Variants in PPP4R2 observed in about 807,000 individuals in gnomAD.
PPP4R2 encodes the protein protein phosphatase 4 regulatory subunit 2.
In PPP4R2, 13 loss-of-function variants were observed where a neutral mutation model predicts 47.2. That is an observed-to-expected ratio of 0.28 (90% CI 0.18 to 0.44). The LOEUF (loss-of-function observed/expected upper bound fraction) is 0.44. Ranked by LOEUF, PPP4R2 falls within the 20% of genes least tolerant of loss-of-function variation. The pLI, the probability that PPP4R2 is intolerant of heterozygous loss-of-function variation, is 1.00. For missense variants in PPP4R2, 421 were observed against 491.2 expected (o/e 0.86, Z 1.35); for synonymous variants, 151 against 163.3 (o/e 0.92, Z 0.57).
intron 2 of PPP4R2, among the ~76,000 whole-genome samples, chr3:73,001,920 C>T (rs1431326625): frequency 6.6e-6 from 1 of 152,208 alleles, no homozygotes; most frequent in African/African-American, 2.4e-5. Context: ...AACCATCGCC[C>T]CCGGCCCCAT....
chr3:73,028,284 CT>C (rs1401170672), intron 2 of PPP4R2, among the ~76,000 whole-genome samples: 1 of 148,710 alleles, frequency 6.7e-6, no homozygotes, highest in Non-Finnish European at 1.5e-5. Flanking sequence ...AAGACGGGGT[CT>C]TACTCAGCCT....
At chr3:73,003,707 G>GT (rs201167262) in intron 2 of PPP4R2, among the ~76,000 whole-genome samples, 58 of 119,872 alleles carry the variant, frequency 4.8e-4, no homozygotes, top group East Asian at 1.9e-3. Flanking sequence ...TTTTTGTTTT[G>GT]TTTTTTTTTG....
chr3:73,063,230 T>C (rs1702908559), intron 5 of PPP4R2: 1 of 329,894 alleles, frequency 3.0e-6, no homozygotes, highest in African/African-American at 2.3e-5. Flanking sequence ...TTGCTTCAAA[T>C]GGCATCTACC....
At position 73,016,402 on chromosome 3, in the gene PPP4R2, A is replaced by G. The variant is rs534719647; in HGVS notation, c.116+18244A>G. ...GGGGTAGAGGGCAGGGATGCCTCCAAACATCCTATATTGCTTAGGACACTC... is the reference window on the plus strand; with the variant it reads ...GGGGTAGAGGGCAGGGATGCCTCCAGACATCCTATATTGCTTAGGACACTC... On this transcript the variant is annotated intron_variant, in intron 2 of 8. Transcript: ENST00000356692. Among the ~76,000 whole-genome samples, 6 of 152,260 alleles carry G rather than the reference A, an allele frequency of 3.9e-5. No homozygotes were observed. The East Asian group carries it at 1.2e-3, about 29-fold the overall frequency.
rs1213260381 is a variant in PPP4R2 at position 73,066,577 on chromosome 3, C to G, written c.*855C>G. 1.3e-5 allele frequency: 2 copies of G among 152,034 alleles called. No homozygotes were observed. Among genetic ancestry groups the G allele is most frequent in the Non-Finnish European group, 2.9e-5 (2 of 67,950 alleles). The allele number at this position is 152,034 out of a possible 1,614,324, so 9.4% of individuals were successfully genotyped here. ...GAAATTGTGTTCAAATGTTAGCTTA[C>G]TATTTTGTAGAATGAATGTTTATGA... is the stretch of plus-strand genomic sequence containing the variant. On this transcript the variant is annotated 3_prime_UTR_variant, in exon 9 of 9. Transcript: ENST00000356692.
chr3:73,011,861 C>CCAAT (rs1701731976), intron 2 of PPP4R2, among the ~76,000 whole-genome samples: 1 of 152,148 alleles, frequency 6.6e-6, no homozygotes, highest in African/African-American at 2.4e-5. Flanking sequence ...TCTTACCACA[C>CCAAT]CAATATTGGG....
At chr3:73,019,831 A>T (rs376369110) in intron 2 of PPP4R2, among the ~76,000 whole-genome samples, 4 of 152,032 alleles carry the variant, frequency 2.6e-5, no homozygotes, top group Non-Finnish European at 5.9e-5. Flanking sequence ...CTATTTGTCC[A>T]CTTGGCTCTT....
At chr3:73,015,063 A>T (rs1300952375) in intron 2 of PPP4R2, 13 of 508,196 alleles carry the variant, frequency 2.6e-5, no homozygotes, top group Non-Finnish European at 4.6e-5. Flanking sequence ...TGCCAAAGCA[A>T]GCCATTTAGG....
At chr3:73,019,425 G>A (rs1360576790) in intron 2 of PPP4R2, among the ~76,000 whole-genome samples, 1 of 152,136 alleles carries the variant, frequency 6.6e-6, no homozygotes, top group Admixed American at 6.5e-5. Flanking sequence ...CCAGGCTGGA[G>A]TGCAGTGGTG....
chr3:73,025,294 C>A (rs1410194204), intron 2 of PPP4R2, among the ~76,000 whole-genome samples: 14 of 152,174 alleles, frequency 9.2e-5, no homozygotes, highest in Non-Finnish European at 2.9e-5. Context: ...ATAATGGCAA[C>A]TTACTGTGTC....
chr3:73,054,075 GC>G (rs1161345663), intron 3 of PPP4R2, among the ~76,000 whole-genome samples: 1 of 152,038 alleles, frequency 6.6e-6, no homozygotes, highest in Non-Finnish European at 1.5e-5. Context: ...CATCAACCAT[GC>G]CCGGCTAATT....
chr3:73,027,425 A>G (rs562479073), intron 2 of PPP4R2, among the ~76,000 whole-genome samples: 2 of 152,062 alleles, frequency 1.3e-5, no homozygotes, highest in African/African-American at 2.4e-5. Flanking sequence ...GCTCCCAGCT[A>G]TTCCCCTATT....
At chr3:73,021,146 T>G (rs534789942) in intron 2 of PPP4R2, among the ~76,000 whole-genome samples, 1 of 152,194 alleles carries the variant, frequency 6.6e-6, no homozygotes, top group East Asian at 1.9e-4. Flanking sequence ...TTGTGTGTAG[T>G]AAATGTTTTA....
At chr3:73,018,388 A>C (rs2107243987) in intron 2 of PPP4R2, among the ~76,000 whole-genome samples, 1 of 99,626 alleles carries the variant, frequency 1.0e-5, no homozygotes, top group Admixed American at 1.0e-4. Flanking sequence ...ATACCAAGGG[A>C]TGACTCTGCT....
intron 2 of PPP4R2, among the ~76,000 whole-genome samples, chr3:73,027,119 G>A (rs1702082254): frequency 6.6e-6 from 1 of 152,080 alleles, no homozygotes; most frequent in East Asian, 1.9e-4. Context: ...GTTCAAATAT[G>A]AATCTATTCC....
chr3:73,042,983 C>T (rs772555783), intron 2 of PPP4R2, among the ~76,000 whole-genome samples: 4 of 152,060 alleles, frequency 2.6e-5, no homozygotes, highest in Non-Finnish European at 5.9e-5. Flanking sequence ...TCTGGCTGTT[C>T]CCATTAATGT....
Position 73,067,894 on chromosome 3 carries a change from G to T in PPP4R2, c.*2172G>T, listed in dbSNP as rs777847014. The T allele has an allele frequency of 2.0e-5, 3 of 152,158 alleles. No homozygotes were observed. Among genetic ancestry groups the T allele is most frequent in the African/African-American group, 7.2e-5 (3 of 41,442 alleles). The allele number at this position is 152,158 out of a possible 1,614,324, so 9.4% of individuals were successfully genotyped here. A position where few individuals can be genotyped will look rare whatever the true frequency, so the allele number is the denominator to read the frequency against. On this transcript the variant is annotated 3_prime_UTR_variant, in exon 9 of 9. Coordinates refer to ENST00000356692, the MANE Select transcript of PPP4R2 (RefSeq NM_174907.4). ...AATGACATCACTTAACTCTATGAGA[G>T]ATCTGCATTTTAATCTATAGTTTAA...
chr3:73,008,895 T>A (rs896162286), intron 2 of PPP4R2, among the ~76,000 whole-genome samples: 7 of 152,186 alleles, frequency 4.6e-5, no homozygotes, highest in Non-Finnish European at 1.0e-4. Context: ...ATCACGTAGT[T>A]ACTATATGAC....
At chr3:73,015,159 AC>A (rs1180603488) in intron 2 of PPP4R2, among the ~76,000 whole-genome samples, 1 of 152,132 alleles carries the variant, frequency 6.6e-6, no homozygotes, top group African/African-American at 2.4e-5. Context: ...TGAAAACACT[AC>A]CCACAAGATC....
Sources: allele counts gnomAD v4.1 joint callset (sites outside exome capture counted in the v4.1 genomes callset), GRCh38; gene constraint gnomAD v4.1.1; transcripts MANE v1.5; gene names NCBI Gene and HGNC (gene_info 2026-07-23, HGNC 2026-07-21).